The following TYW1 variants were observed in gnomAD, a reference collection of about 807,000 sequenced individuals.
TYW1 encodes tRNA-yW synthesizing protein 1 homolog, also known as S-adenosyl-L-methionine-dependent tRNA 4-demethylwyosine synthase TYW1.
In TYW1, 46 loss-of-function variants were observed where a neutral mutation model predicts 96.2. That is an observed-to-expected ratio of 0.48 (90% CI 0.38 to 0.61). The LOEUF is 0.61. TYW1 is among the 20% of genes least tolerant of loss of function. TYW1 has a pLI of 0.00. For synonymous variants in TYW1, 274 were observed against 323.0 expected (o/e 0.85, Z 1.63); for missense variants, 684 against 909.6 (o/e 0.75, Z 3.19).
At chr7:67,236,077 G>A (rs1801879917) in intron 15 of TYW1, among the ~76,000 whole-genome samples, 1 of 152,068 alleles carries the variant, frequency 6.6e-6, no homozygotes, top group South Asian at 2.1e-4. Flanking sequence ...GTGAGGTCCT[G>A]TGGCCAGGAA....
intron 12 of TYW1, among the ~76,000 whole-genome samples, chr7:67,106,274 C>T (rs1329538237): frequency 6.6e-6 from 1 of 152,202 alleles, no homozygotes; most frequent in Non-Finnish European, 1.5e-5. Context: ...TTAAAAGTGG[C>T]TTACTTGACT....
intron 14 of TYW1, among the ~76,000 whole-genome samples, chr7:67,187,874 T>C (rs1433232435): frequency 6.6e-6 from 1 of 152,238 alleles, no homozygotes; most frequent in African/African-American, 2.4e-5. Context: ...GAGCATGCAT[T>C]GGTTTGTAAT....
chr7:67,006,438 CTTTTTT>C (rs34088521), intron 3 of TYW1, among the ~76,000 whole-genome samples: 2 of 114,758 alleles, frequency 1.7e-5, no homozygotes, highest in Non-Finnish European at 3.4e-5. Flanking sequence ...TTCTTTTTTC[CTTTTTT>C]TTTTTTTTTT....
At chr7:67,231,727 G>A (rs1314305481) in intron 15 of TYW1, among the ~76,000 whole-genome samples, 1 of 151,398 alleles carries the variant, frequency 6.6e-6, no homozygotes, top group Non-Finnish European at 1.5e-5. Flanking sequence ...TTGAAATTTC[G>A]CTATAATGTG....
In TYW1 at chr7:67,160,727, G is replaced by A. The variant is rs1406221791; in HGVS notation, c.1699-22399G>A. On this transcript the variant is annotated intron_variant, in intron 13 of 15. Coordinates refer to ENST00000359626, the MANE Select transcript of TYW1 (RefSeq NM_018264.4). Reference sequence around the variant, plus strand: ...CTGCCTCAGTCTCCTGTGTAGCTAGGATTATAGGTGCCTGCCACCATGCCC... The same window carrying A: ...CTGCCTCAGTCTCCTGTGTAGCTAGAATTATAGGTGCCTGCCACCATGCCC... 2.0e-5 allele frequency among the ~76,000 whole-genome samples: 3 copies of A among 151,224 alleles called. No homozygotes were observed. The East Asian group carries it at 5.8e-4, about 29-fold the overall frequency.
chr7:67,078,215 C>T (rs1298386765), intron 10 of TYW1, among the ~76,000 whole-genome samples: 4 of 152,030 alleles, frequency 2.6e-5, no homozygotes, highest in Non-Finnish European at 5.9e-5. Context: ...CCTGCCTCAG[C>T]CTCCCGAGTA....
intron 13 of TYW1, among the ~76,000 whole-genome samples, chr7:67,121,036 G>A (rs1257254272): frequency 1.3e-5 from 2 of 152,170 alleles, no homozygotes; most frequent in Admixed American, 1.3e-4. Context: ...TCTTGGCATT[G>A]TTTTTGTTGC....
intron 12 of TYW1, among the ~76,000 whole-genome samples, chr7:67,114,962 A>T (rs897514651): frequency 9.2e-5 from 14 of 152,246 alleles, no homozygotes; most frequent in African/African-American, 3.1e-4. Flanking sequence ...GGTATTGACT[A>T]GAATTCCTTA....
At chr7:67,087,844 T>TTTTTA (rs950162942) in intron 11 of TYW1, among the ~76,000 whole-genome samples, 7 of 152,116 alleles carry the variant, frequency 4.6e-5, no homozygotes, top group African/African-American at 9.7e-5. Flanking sequence ...ATTTGTTTTC[T>TTTTTA]TTTTATTTTA....
chr7:67,008,803 T>C (rs1488953030), intron 3 of TYW1, among the ~76,000 whole-genome samples: 3 of 152,028 alleles, frequency 2.0e-5, no homozygotes, highest in African/African-American at 7.2e-5. Context: ...GCTGGGATTA[T>C]AGGTGTGTGC....
intron 13 of TYW1, among the ~76,000 whole-genome samples, chr7:67,149,760 ATCTATCTATCTATCTC>A (rs1584622602): frequency 1.2e-5 from 1 of 84,370 alleles, no homozygotes; most frequent in East Asian, 2.2e-4. Flanking sequence ...CTATCTATCT[ATCTATCTATCTATCTC>A]TCTATGTTAA....
intron 4 of TYW1, among the ~76,000 whole-genome samples, chr7:67,013,805 G>A (rs1356496664): frequency 1.5e-5 from 2 of 137,072 alleles, no homozygotes; most frequent in African/African-American, 2.8e-5. Context: ...GTGCAGTGAC[G>A]TGATCTTGGC....
chr7:67,021,400 C>T (rs909930365), intron 6 of TYW1, among the ~76,000 whole-genome samples: 1 of 152,260 alleles, frequency 6.6e-6, no homozygotes, highest in African/African-American at 2.4e-5. Flanking sequence ...TAGCTGCATG[C>T]CTCCTGGTGC....
chr7:67,151,912 T>C (rs546099538), intron 13 of TYW1, among the ~76,000 whole-genome samples: 1 of 151,940 alleles, frequency 6.6e-6, no homozygotes, highest in African/African-American at 2.4e-5. Flanking sequence ...GCTCAAGCGA[T>C]CCTCCCACCT....
intron 13 of TYW1, among the ~76,000 whole-genome samples, chr7:67,137,207 G>A (rs1798291975): frequency 6.6e-6 from 1 of 152,188 alleles, no homozygotes; most frequent in Admixed American, 6.5e-5. Context: ...AAAGATGCTA[G>A]AACTAAAAGT....
At chr7:67,149,029 A>G (rs1156589885) in intron 13 of TYW1, among the ~76,000 whole-genome samples, 1 of 152,178 alleles carries the variant, frequency 6.6e-6, no homozygotes. Flanking sequence ...CTTGACTAAG[A>G]GACCAGTGGC....
intron 13 of TYW1, among the ~76,000 whole-genome samples, chr7:67,126,356 A>G (rs933737620): frequency 1.3e-5 from 2 of 151,852 alleles, no homozygotes; most frequent in African/African-American, 4.8e-5. Context: ...TTGAGATTTA[A>G]GAGTTCTTTG....
At chr7:67,135,766 CT>C (rs1054514272) in intron 13 of TYW1, among the ~76,000 whole-genome samples, 2 of 152,274 alleles carry the variant, frequency 1.3e-5, no homozygotes, top group African/African-American at 2.4e-5. Context: ...CCACCAGTTC[CT>C]TGTGTCTGAC....
intron 15 of TYW1, among the ~76,000 whole-genome samples, chr7:67,196,657 C>T (rs1255565886): frequency 6.6e-6 from 1 of 151,720 alleles, no homozygotes; most frequent in Non-Finnish European, 1.5e-5. Flanking sequence ...CCTTCTCTCC[C>T]TCTAGTCCAT....
Sources: allele counts gnomAD v4.1 joint callset (sites outside exome capture counted in the v4.1 genomes callset), GRCh38; gene constraint gnomAD v4.1.1; transcripts MANE v1.5; gene names NCBI Gene and HGNC (gene_info 2026-07-23, HGNC 2026-07-21).